The following VWA8 variants were observed in gnomAD, a reference collection of about 807,000 sequenced individuals.
The protein encoded by VWA8 is von Willebrand factor A domain-containing protein 8.
A neutral mutation model predicts 241.5 loss-of-function variants in VWA8; 221 were observed. The observed-to-expected ratio is 0.91, with a 90% CI of 0.82 to 1.02. The LOEUF is 1.02. Among genes scored for constraint, VWA8 ranks in the 50% least tolerant of loss-of-function variants. The probability of loss-of-function intolerance (pLI) is 0.00; values close to 1 mark genes in which losing one functional copy is unlikely to be tolerated. For synonymous variants in VWA8, 852 were observed against 827.1 expected (o/e 1.03, Z -0.52); for missense variants, 2,322 against 2,328.7 (o/e 1.00, Z 0.06).
intron 1 of VWA8, chr13:41,955,972 G>A (rs562485346): frequency 1.9e-4 from 29 of 152,316 alleles, no homozygotes; most frequent in African/African-American, 7.0e-4. Flanking sequence ...GTTTCAGAAT[G>A]GAGCTCTCTG....
chr13:41,574,048 C>A (rs1305377348), intron 43 of VWA8, among the ~76,000 whole-genome samples: 2 of 152,092 alleles, frequency 1.3e-5, no homozygotes, highest in African/African-American at 4.8e-5. Flanking sequence ...TTATGCATTG[C>A]ATGCCCGTAT....
rs1167305999 is a variant in VWA8 at position 41,901,865 on chromosome 13, C to CA, written c.483+5720dup. On this transcript the variant is annotated intron_variant, in intron 4 of 44. Transcript: ENST00000379310. ...TGGGTGACAGAACAAGACTCCATCT[C>CA]AAAAAAAAAAAAAAAAAAAAAAAAA... 1.7e-3 allele frequency among the ~76,000 whole-genome samples: 43 copies of CA among 24,678 alleles called. 2 individuals carry two copies. The highest frequency in any genetic ancestry group is 4.5e-3 in the African/African-American group (31 of 6,900). 16.2% of individuals were successfully genotyped at this position (24,678 alleles called of 152,430 possible). A position where few individuals can be genotyped will look rare whatever the true frequency, so the allele number is the denominator to read the frequency against.
intron 40 of VWA8, among the ~76,000 whole-genome samples, chr13:41,595,656 C>T (rs566925226): frequency 1.1e-4 from 17 of 152,126 alleles, no homozygotes; most frequent in Non-Finnish European, 2.2e-4. Flanking sequence ...TCAACATTAT[C>T]TCTGTGAGTT....
chr13:41,638,550 A>C (rs1439324462), intron 37 of VWA8, among the ~76,000 whole-genome samples: 1 of 152,142 alleles, frequency 6.6e-6, no homozygotes, highest in East Asian at 1.9e-4. Context: ...GTTTCAATGA[A>C]GAGGGAACAT....
intron 21 of VWA8, among the ~76,000 whole-genome samples, chr13:41,746,493 C>A (rs900252222): frequency 6.6e-6 from 1 of 152,126 alleles, no homozygotes; most frequent in African/African-American, 2.4e-5. Flanking sequence ...ATAATGTAAC[C>A]ACTTGGTGGG....
rs964681774 is a variant in VWA8 at position 41,879,758 on chromosome 13, T to C, written c.1080+3629A>G. ...ATTAATAGATACACAGAGGGTGTTG[T>C]GTATCCCAAAGACCCTGGGTAGATT... On this transcript the variant is annotated intron_variant, in intron 9 of 44. Transcript: ENST00000379310. 8.5e-5 allele frequency among the ~76,000 whole-genome samples: 13 copies of C among 152,112 alleles called. No homozygotes were observed. In the South Asian group the frequency reaches 2.7e-3, roughly 32 times the overall value.
intron 2 of VWA8, among the ~76,000 whole-genome samples, chr13:41,945,061 G>A (rs1447183792): frequency 1.3e-5 from 2 of 152,108 alleles, no homozygotes; most frequent in African/African-American, 2.4e-5. Context: ...TAATCTTGAG[G>A]GTCCACACAA....
rs2045464204 is a variant in VWA8, at chr13:41,729,550, A to G, written c.2630T>C (p.Ile877Thr). 6.2e-7 allele frequency: 1 copy of G among 1,611,268 alleles called. No individual in the cohort carries two copies. Among genetic ancestry groups the G allele is most frequent in the Non-Finnish European group, 8.5e-7 (1 of 1,178,878 alleles). Residue 877 changes from isoleucine to threonine, a missense_variant, in exon 23 of 45, where the codon ATT (isoleucine) becomes ACT (threonine). Transcript: ENST00000379310. ...GEMILADGRRIVANSANVNGR... is the reference protein window; with the variant it reads ...GEMILADGRRTVANSANVNGR... The stretch of plus-strand genomic sequence containing the variant: ...CTTTCTAAAATACTCACTTGCAACA[A>G]TGCGTCTTCCATCTGCTAGAATCAT...
intron 17 of VWA8, among the ~76,000 whole-genome samples, chr13:41,810,135 T>C (rs530461975): frequency 3.9e-4 from 60 of 152,142 alleles, no homozygotes; most frequent in Non-Finnish European, 6.9e-4. Context: ...AGGGAACCCT[T>C]GTACACTGTG....
rs576412140 is a variant in VWA8 at position 41,928,116 on chromosome 13, A to G, written c.242-15948T>C. Among the ~76,000 whole-genome samples the G allele has an allele frequency of 6.0e-4, 92 of 152,350 alleles. 1 individual carries two copies. Among genetic ancestry groups the G allele is most frequent in the Middle Eastern group, 3.4e-3 (1 of 294 alleles). The stretch of plus-strand genomic sequence containing the variant: ...CCTAAATACATTAAAGCAAATATTA[A>G]TGGACATGAAGAGATAAAGAGCAAT... On this transcript the variant is annotated intron_variant, in intron 2 of 44. Coordinates refer to ENST00000379310, the MANE Select transcript of VWA8 (RefSeq NM_015058.2).
At chr13:41,587,914 T>C (rs556615311) in intron 41 of VWA8, among the ~76,000 whole-genome samples, 41 of 152,368 alleles carry the variant, frequency 2.7e-4, no homozygotes, top group South Asian at 8.3e-4. Flanking sequence ...CTTTGGAATA[T>C]AGTCCTTTTA....
At chr13:41,666,311 T>C (rs61964882) in intron 37 of VWA8, among the ~76,000 whole-genome samples, 178 of 152,268 alleles carry the variant, frequency 1.2e-3, no homozygotes, top group Non-Finnish European at 2.1e-3. Flanking sequence ...AACTGCAGGC[T>C]TCCACATTTC....
intron 2 of VWA8, among the ~76,000 whole-genome samples, chr13:41,920,537 G>A (rs375999674): frequency 7.9e-5 from 12 of 152,094 alleles, no homozygotes; most frequent in South Asian, 6.2e-4. Context: ...TTGATAGACC[G>A]CTAGCAAGAC....
chr13:41,682,369 T>TA (rs1479954520), intron 35 of VWA8, among the ~76,000 whole-genome samples: 3 of 152,178 alleles, frequency 2.0e-5, no homozygotes, highest in Non-Finnish European at 4.4e-5. Flanking sequence ...TTACACCATG[T>TA]AAAAAATTAA....
chr13:41,750,886 TAAAAAA>T (rs72030945), intron 21 of VWA8, among the ~76,000 whole-genome samples: 1 of 143,840 alleles, frequency 7.0e-6, no homozygotes, highest in African/African-American at 2.6e-5. Flanking sequence ...ACATATTTGA[TAAAAAA>T]AAAAAAAAAC....
chr13:41,787,375 CA>C (rs1211512450), intron 18 of VWA8, 61 bp downstream of exon 18: 1 of 1,305,718 alleles, frequency 7.7e-7, no homozygotes, highest in African/African-American at 1.5e-5. Flanking sequence ...TTAAAATAAA[CA>C]GCATCAAATG....
At chr13:41,730,235 C>T (rs952011752) in intron 22 of VWA8, among the ~76,000 whole-genome samples, 8 of 152,100 alleles carry the variant, frequency 5.3e-5, no homozygotes, top group Non-Finnish European at 8.8e-5. Context: ...TATGAACAGT[C>T]TATGCTGGCT....
At chr13:41,709,549 A>G (rs2045303349) in intron 26 of VWA8, among the ~76,000 whole-genome samples, 1 of 152,180 alleles carries the variant, frequency 6.6e-6, no homozygotes, top group African/African-American at 2.4e-5. Flanking sequence ...TTTAACCCTG[A>G]GTTAGTTGCC....
At chr13:41,867,228 T>C (rs1408533243) in intron 10 of VWA8, among the ~76,000 whole-genome samples, 1 of 152,148 alleles carries the variant, frequency 6.6e-6, no homozygotes, top group African/African-American at 2.4e-5. Context: ...ACTTGAAAAA[T>C]CCTATATTAT....
Sources: gnomAD v4.1 joint callset for allele counts (sites outside exome capture counted in the v4.1 genomes callset) on GRCh38, gnomAD v4.1.1 for gene constraint, MANE v1.5 for transcripts, NCBI Gene and HGNC (gene_info 2026-07-23, HGNC 2026-07-21) for gene names.